Variants in SYNE1 observed in about 807,000 individuals in gnomAD.
SYNE1 encodes nesprin-1.
A neutral mutation model predicts 1,111.0 loss-of-function variants in SYNE1; 616 were observed. The observed-to-expected ratio is 0.55, with a 90% CI of 0.52 to 0.59. The LOEUF (loss-of-function observed/expected upper bound fraction) is 0.59. Ranked by LOEUF, SYNE1 falls within the 20% of genes least tolerant of loss-of-function variation. The pLI is 0.00. For missense variants in SYNE1, 10,006 were observed against 10,417.0 expected (o/e 0.96, Z 1.72); for synonymous variants, 3,855 against 3,825.8 (o/e 1.01, Z -0.28).
At chr6:152,218,915 G>T in intron 120 of SYNE1, 88 bp downstream of exon 120, 2 of 1,373,834 alleles carry the variant, frequency 1.5e-6, no homozygotes, top group Non-Finnish European at 2.1e-6. Flanking sequence ...AGGCATTGTT[G>T]CCATGACAAG....
At chr6:152,252,355 T>C (rs1381016065) in intron 104 of SYNE1, among the ~76,000 whole-genome samples, 4 of 152,164 alleles carry the variant, frequency 2.6e-5, no homozygotes, top group African/African-American at 9.6e-5. Context: ...ATTAAAGAAT[T>C]CTTTCATTCA....
chr6:152,532,529 A>C (rs779991686), intron 4 of SYNE1, among the ~76,000 whole-genome samples: 1 of 152,220 alleles, frequency 6.6e-6, no homozygotes, highest in Non-Finnish European at 1.5e-5. Flanking sequence ...TGCCACAGTT[A>C]AGTATTTACT....
chr6:152,415,806 AAAAAAAAAAG>A (rs1273922721), intron 41 of SYNE1, among the ~76,000 whole-genome samples: 4 of 149,422 alleles, frequency 2.7e-5, no homozygotes, highest in African/African-American at 7.3e-5. Flanking sequence ...AAAAAAAAAA[AAAAAAAAAAG>A]AAGAGGAAGA....
intron 3 of SYNE1, among the ~76,000 whole-genome samples, chr6:152,607,448 C>T (rs2099619092): frequency 6.6e-6 from 1 of 151,698 alleles, no homozygotes; most frequent in South Asian, 2.1e-4. Context: ...TGTTGGCCAA[C>T]ATCACGGATC....
In SYNE1 at chr6:152,347,201, C is replaced by G. The variant is rs142444474; in HGVS notation, c.11936G>C (p.Arg3979Pro). ...MMEEIAGFED[R>P]LNNLQMKGDT... Reference sequence around the variant, plus strand: ...ACCTTTCATTTGAAGATTGTTCAAACGGTCTTCAAAACCAGCAATTTCTTC... The same window carrying G: ...ACCTTTCATTTGAAGATTGTTCAAAGGGTCTTCAAAACCAGCAATTTCTTC... Residue 3979 changes from arginine (R) to proline (P), a missense_variant, in exon 73 of 146, where the codon CGT (arginine) becomes CCT (proline). This residue lies in a region of SYNE1 where 4,955 missense variants were observed against 5,017.2 expected (regional missense o/e 0.99). Transcript: ENST00000367255. The G allele has an allele frequency of 1.2e-6, 2 of 1,614,042 alleles. No homozygotes were observed. Among genetic ancestry groups the G allele is most frequent in the Admixed American group, 1.7e-5 (1 of 60,002 alleles).
At position 152,308,692 on chromosome 6, in the gene SYNE1, T is replaced by C. The variant is rs1162457795; in HGVS notation, c.17203-60A>G. 8 of 1,550,558 alleles carry C rather than the reference T, an allele frequency of 5.2e-6. No homozygotes were observed. In the Admixed American group the frequency reaches 1.1e-4, roughly 22 times the overall value. ...TTTTTTTTCTCTACCAATAACTAGG[T>C]AAGTGATTCTGTAGTTTAACTCCTA... On this transcript the variant is annotated intron_variant, in intron 90 of 145. Coordinates refer to ENST00000367255, the MANE Select transcript of SYNE1 (RefSeq NM_182961.4).
chr6:152,423,613 C>T (rs1187213313), intron 39 of SYNE1, among the ~76,000 whole-genome samples: 2 of 152,194 alleles, frequency 1.3e-5, no homozygotes, highest in African/African-American at 2.4e-5. Context: ...AATAAGTAAA[C>T]ATGATTTCAA....
chr6:152,295,627 CACACAT>C (rs1047904498), intron 93 of SYNE1, among the ~76,000 whole-genome samples: 5 of 152,010 alleles, frequency 3.3e-5, no homozygotes, highest in African/African-American at 7.3e-5. Context: ...CACACACACA[CACACAT>C]ACACACACAA....
At chr6:152,329,128 T>C (rs2096174554) in intron 78 of SYNE1, among the ~76,000 whole-genome samples, 1 of 152,214 alleles carries the variant, frequency 6.6e-6, no homozygotes, top group African/African-American at 2.4e-5. Flanking sequence ...ACTAATACCA[T>C]TTATCATCTC....
At chr6:152,310,117 TTTGC>T in intron 89 of SYNE1, 100 bp from the exon 90 acceptor site, 1 of 1,316,580 alleles carries the variant, frequency 7.6e-7, no homozygotes, top group Non-Finnish European at 9.9e-7. Context: ...TTATAAACAT[TTTGC>T]AAAAAAAAAA....
chr6:152,629,561 A>AGGGGGGG (rs2099694278), intron 2 of SYNE1, among the ~76,000 whole-genome samples: 1 of 85,056 alleles, frequency 1.2e-5, no homozygotes, highest in Non-Finnish European at 2.3e-5. Context: ...GAGGGGGTGC[A>AGGGGGGG]GTGGGCTTTG....
Position 152,231,578 on chromosome 6 carries a change from A to AG in SYNE1, c.20863-12dup, listed in dbSNP as rs1562358633. ...GTCTATCTTAAAACCCTAAAAAAAA[A>AG]GAGGAGAAAATAAGATTATACAATA... On this transcript the variant is annotated splice_polypyrimidine_tract_variant and intron_variant, in intron 113 of 145. Coordinates refer to ENST00000367255, the MANE Select transcript of SYNE1 (RefSeq NM_182961.4). The AG allele has an allele frequency of 1.4e-5, 22 of 1,613,318 alleles. No individual in the cohort carries two copies. Among genetic ancestry groups the AG allele is most frequent in the Non-Finnish European group, 1.8e-5 (21 of 1,179,438 alleles).
chr6:152,254,244 CTTTTT>C (rs773598537), intron 104 of SYNE1, among the ~76,000 whole-genome samples: 4 of 73,164 alleles, frequency 5.5e-5, no homozygotes, highest in Non-Finnish European at 9.5e-5. Flanking sequence ...TCTGCATACT[CTTTTT>C]TTTTTTTTTT....
chr6:152,366,517 T>G (rs530446275), intron 62 of SYNE1, among the ~76,000 whole-genome samples: 1 of 152,118 alleles, frequency 6.6e-6, no homozygotes, highest in East Asian at 1.9e-4. Flanking sequence ...AAAAAAAAAT[T>G]TAAACCCCAC....
intron 117 of SYNE1, among the ~76,000 whole-genome samples, chr6:152,223,741 G>A (rs1001955970): frequency 3.3e-5 from 5 of 152,128 alleles, no homozygotes; most frequent in East Asian, 1.9e-4. Flanking sequence ...CCAGGGAGGC[G>A]GACTAGATAT....
chr6:152,360,627 G>A (rs183365502), intron 64 of SYNE1, among the ~76,000 whole-genome samples: 4 of 151,882 alleles, frequency 2.6e-5, no homozygotes, highest in Admixed American at 6.5e-5. Context: ...ACTAACATAC[G>A]CTTGACTGTT....
chr6:152,161,801 A>C (rs1446455768), intron 131 of SYNE1, among the ~76,000 whole-genome samples: 1 of 152,086 alleles, frequency 6.6e-6, no homozygotes, highest in East Asian at 1.9e-4. Context: ...GGGTTACCTT[A>C]AGTATCACTA....
At chr6:152,598,540 C>T (rs1337857226) in intron 3 of SYNE1, among the ~76,000 whole-genome samples, 1 of 152,136 alleles carries the variant, frequency 6.6e-6, no homozygotes, top group Non-Finnish European at 1.5e-5. Flanking sequence ...TTCATAAACT[C>T]AATGGTCTCT....
Position 152,510,201 on chromosome 6 carries a change from T to C in SYNE1, c.573A>G (p.Thr191=). ...AAACTCTTGATACTTACTTGCCAGC[T>C]GTGTACTGAACCCACTTTAATAAAG... ...KKALLKWVQY[T]AGKQTGIEVK... The change falls in exon 8 of 146, where the codon ACA becomes ACG. Residue 191 remains threonine (T), a synonymous_variant. Transcript: ENST00000367255. The C allele has an allele frequency of 6.2e-7, 1 of 1,614,062 alleles. No individual in the cohort carries two copies. The highest frequency in any genetic ancestry group is 8.5e-7 in the Non-Finnish European group (1 of 1,179,946).
Sources: gnomAD v4.1 joint callset for allele counts (sites outside exome capture counted in the v4.1 genomes callset) on GRCh38, gnomAD v4.1.1 for gene constraint, gnomAD v4.1.1 regional missense constraint, MANE v1.5 for transcripts, NCBI Gene and HGNC (gene_info 2026-07-23, HGNC 2026-07-21) for gene names.